Variants in RPAP2 observed in about 807,000 individuals in gnomAD.
RPAP2 encodes RNA polymerase II associated protein 2.
In RPAP2, 52 loss-of-function variants were observed where a neutral mutation model predicts 73.1. The ratio of observed to expected loss-of-function variants is 0.71; its 90% CI spans 0.57 to 0.90. The LOEUF (loss-of-function observed/expected upper bound fraction) is 0.90, where lower values mean the gene tolerates loss of function less well. Among genes scored for constraint, RPAP2 ranks in the 40% least tolerant of loss-of-function variants. The pLI, the probability that RPAP2 is intolerant of heterozygous loss-of-function variation, is 0.00. For missense variants in RPAP2, 598 were observed against 701.8 expected (o/e 0.85, Z 1.67); for synonymous variants, 225 against 242.1 (o/e 0.93, Z 0.65).
At chr1:92,344,395 ACT>A (rs1407842816) in intron 10 of RPAP2, among the ~76,000 whole-genome samples, 4 of 152,056 alleles carry the variant, frequency 2.6e-5, no homozygotes, top group Admixed American at 1.3e-4. Context: ...ACAGAGCAAG[ACT>A]CTGTCTAAAA....
chr1:92,301,775 T>TA (rs1441102432), intron 3 of RPAP2, among the ~76,000 whole-genome samples, 185 bp downstream of exon 3: 2 of 152,222 alleles, frequency 1.3e-5, no homozygotes. Flanking sequence ...ATAATGACTT[T>TA]AAAATGCACT....
intron 12 of RPAP2, among the ~76,000 whole-genome samples, chr1:92,386,079 G>T (rs1163949469): frequency 1.3e-5 from 2 of 152,224 alleles, no homozygotes; most frequent in East Asian, 3.8e-4. Context: ...AACATGGCAT[G>T]TGGCTTCCAT....
rs375121467 is a variant in RPAP2 at position 92,361,077 on chromosome 1, C to CAT, written c.1688+15177_1688+15178dup. Among the ~76,000 whole-genome samples, 1,065 of 142,552 alleles carry CAT rather than the reference C, an allele frequency of 7.5e-3. 6 individuals carry two copies. Among genetic ancestry groups the CAT allele is most frequent in the African/African-American group, 0.014 (525 of 38,542 alleles). 93.5% of individuals were successfully genotyped at this position (142,552 alleles called of 152,430 possible). A position where few individuals can be genotyped will look rare whatever the true frequency, so the allele number is the denominator to read the frequency against. On this transcript the variant is annotated intron_variant, in intron 11 of 12. Coordinates refer to ENST00000610020, the MANE Select transcript of RPAP2 (RefSeq NM_024813.3). ...CATGTAATTTACCAAAAGCAAAAAG[C>CAT]ATATATATATATATAATATATATAT...
intron 12 of RPAP2, among the ~76,000 whole-genome samples, chr1:92,385,217 A>G (rs979486447): frequency 7.9e-5 from 12 of 152,070 alleles, no homozygotes; most frequent in Non-Finnish European, 1.8e-4. Context: ...ACTGAGAGCA[A>G]ACAGTACCTA....
At chr1:92,365,539 G>A (rs761266991) in intron 11 of RPAP2, among the ~76,000 whole-genome samples, 4 of 152,310 alleles carry the variant, frequency 2.6e-5, no homozygotes, top group East Asian at 1.9e-4. Flanking sequence ...GTGCACATTG[G>A]TGTGCTAAGT....
chr1:92,316,761 C>T (rs1651928637), intron 6 of RPAP2, among the ~76,000 whole-genome samples: 1 of 152,128 alleles, frequency 6.6e-6, no homozygotes. Context: ...ATTTGGATTT[C>T]ATCTAAGAAA....
In RPAP2 at chr1:92,396,199, AT is replaced by A. The variant is rs776798286; in HGVS notation, c.*9204del. ...AAACCAAATGACCATCAACTACTGG[AT>A]TTTTTTTTTTTTTTTAAGAGATGAG... On this transcript the variant is annotated 3_prime_UTR_variant, in exon 13 of 13. Transcript: ENST00000610020. 6.5e-3 allele frequency: 917 copies of A among 142,132 alleles called. 1 individual carries two copies. The highest frequency in any genetic ancestry group is 0.014 in the Middle Eastern group (4 of 278). 8.8% of individuals were successfully genotyped at this position (142,132 alleles called of 1,614,324 possible). A position where few individuals can be genotyped will look rare whatever the true frequency, so the allele number is the denominator to read the frequency against.
chr1:92,333,162 T>C, intron 8 of RPAP2: 1 of 469,668 alleles, frequency 2.1e-6, no homozygotes, highest in South Asian at 4.2e-5. Context: ...ATATCCCAAT[T>C]ATAAAGATGA....
chr1:92,380,039 C>T (rs1200243116), intron 11 of RPAP2, among the ~76,000 whole-genome samples: 4 of 84,568 alleles, frequency 4.7e-5, no homozygotes, highest in Non-Finnish European at 7.1e-5. Flanking sequence ...GCTGGTGGAT[C>T]GCCTGAGGCT....
intron 11 of RPAP2, among the ~76,000 whole-genome samples, chr1:92,353,835 G>C (rs1358820509): frequency 2.6e-5 from 4 of 152,126 alleles, no homozygotes; most frequent in Non-Finnish European, 5.9e-5. Flanking sequence ...TCAGCCAACA[G>C]AACTATATGG....
chr1:92,304,620 G>A (rs1448744351), intron 5 of RPAP2, among the ~76,000 whole-genome samples: 2 of 152,128 alleles, frequency 1.3e-5, no homozygotes, highest in African/African-American at 2.4e-5. Context: ...ATAAATCATG[G>A]AACAGAATAG....
chr1:92,397,145 T>C lies in RPAP2; in HGVS notation c.*10134T>C, dbSNP rs1380462824. 3 of 152,168 alleles carry C rather than the reference T, an allele frequency of 2.0e-5. No individual in the cohort carries two copies. Among genetic ancestry groups the C allele is most frequent in the African/African-American group, 7.2e-5 (3 of 41,432 alleles). 9.4% of individuals were successfully genotyped at this position (152,168 alleles called of 1,614,324 possible). A position where few individuals can be genotyped will look rare whatever the true frequency, so the allele number is the denominator to read the frequency against. ...GGCTCACACCTGTAATCCCAGCACT[T>C]TGGGAAGCCAAGATGGGCTGATTGC... On this transcript the variant is annotated 3_prime_UTR_variant, in exon 13 of 13. Coordinates refer to ENST00000610020, the MANE Select transcript of RPAP2 (RefSeq NM_024813.3).
chr1:92,320,571 A>C (rs1156710567), intron 6 of RPAP2, 28 bp from the exon 7 acceptor site: 2 of 1,606,322 alleles, frequency 1.2e-6, no homozygotes, highest in East Asian at 2.2e-5. Context: ...CACCCGGCCT[A>C]ATTTTTATTT....
intron 7 of RPAP2, 75 bp downstream of exon 7, chr1:92,320,709 T>G (rs1214235457): frequency 8.3e-7 from 1 of 1,211,178 alleles, no homozygotes; most frequent in Admixed American, 1.8e-5. Context: ...CCAGGTGATA[T>G]GAGCTCTTGG....
At chr1:92,373,784 G>C (rs916398777) in intron 11 of RPAP2, among the ~76,000 whole-genome samples, 2 of 148,910 alleles carry the variant, frequency 1.3e-5, no homozygotes, top group African/African-American at 4.9e-5. Flanking sequence ...GCCAGGCGTG[G>C]TGGTGGCGCA....
In RPAP2 at chr1:92,399,254, C is replaced by T. The variant is rs573531280; in HGVS notation, c.*12243C>T. 1 of 152,338 alleles carries T rather than the reference C, an allele frequency of 6.6e-6. No homozygotes were observed. The highest frequency in any genetic ancestry group is 1.5e-5 in the Non-Finnish European group (1 of 68,048). The allele number at this position is 152,338 out of a possible 1,614,324, so 9.4% of individuals were successfully genotyped here. On this transcript the variant is annotated 3_prime_UTR_variant, in exon 13 of 13. Coordinates refer to ENST00000610020, the MANE Select transcript of RPAP2 (RefSeq NM_024813.3). ...AGAAGAAAGCCATCCAGCCACCTTG[C>T]AACATGTTCAGGAAATTCTGGACTC... is the stretch of plus-strand genomic sequence containing the variant.
At chr1:92,351,453 A>G (rs768311875) in intron 11 of RPAP2, among the ~76,000 whole-genome samples, 1 of 152,170 alleles carries the variant, frequency 6.6e-6, no homozygotes, top group Admixed American at 6.5e-5. Context: ...AAAGTAAAGA[A>G]TCACTTTTAA....
At chr1:92,334,050 T>G (rs1041036284) in intron 9 of RPAP2, among the ~76,000 whole-genome samples, 2 of 151,580 alleles carry the variant, frequency 1.3e-5, no homozygotes, top group Non-Finnish European at 2.9e-5. Context: ...AACTTGAAGG[T>G]TTTTTTTTCC....
intron 10 of RPAP2, among the ~76,000 whole-genome samples, chr1:92,338,946 C>T (rs1653442858): frequency 6.6e-6 from 1 of 152,054 alleles, no homozygotes. Context: ...CATTCACCCT[C>T]CTGCAGACAA....
Sources: allele counts gnomAD v4.1 joint callset (sites outside exome capture counted in the v4.1 genomes callset), GRCh38; gene constraint gnomAD v4.1.1; transcripts MANE v1.5; gene names NCBI Gene and HGNC (gene_info 2026-07-23, HGNC 2026-07-21).